PCNX2: variants seen among roughly 807,000 people sequenced by gnomAD.
PCNX2 encodes the protein pecanex 2.
PCNX2 carries 168 observed loss-of-function variants against 223.8 expected under a neutral mutation model. The ratio of observed to expected loss-of-function variants is 0.75; its 90% CI spans 0.66 to 0.85. The LOEUF is 0.85. PCNX2 is among the 40% of genes least tolerant of loss of function. PCNX2 has a pLI of 0.00. For synonymous variants in PCNX2, 1,006 were observed against 1,052.6 expected, an observed-to-expected ratio of 0.96 and a Z score of 0.86; for missense variants, 2,507 against 2,675.5, an observed-to-expected ratio of 0.94 and a Z score of 1.39.
In PCNX2 at chr1:233,102,113, A is replaced by G. The variant is rs1217143853; in HGVS notation, c.3838-6250T>C. Among the ~76,000 whole-genome samples, 4 of 138,536 alleles carry G rather than the reference A, an allele frequency of 2.9e-5. No individual in the cohort carries two copies. In the South Asian group the frequency reaches 6.8e-4, roughly 24 times the overall value. The allele number at this position is 138,536 out of a possible 152,430, so 90.9% of individuals were successfully genotyped here. A position where few individuals can be genotyped will look rare whatever the true frequency, so the allele number is the denominator to read the frequency against. On this transcript the variant is annotated intron_variant, in intron 21 of 33. Coordinates refer to ENST00000258229, the MANE Select transcript of PCNX2 (RefSeq NM_014801.4). Reference sequence around the variant, plus strand: ...TTTTTTTTTTTTTTTTTTGGCTCCCATGAGTGACAACATACAACATTTGTC... The same window carrying G: ...TTTTTTTTTTTTTTTTTTGGCTCCCGTGAGTGACAACATACAACATTTGTC...
intron 21 of PCNX2, chr1:233,134,783 C>T (rs1242349906): frequency 1.8e-6 from 1 of 564,342 alleles, no homozygotes; most frequent in Non-Finnish European, 3.1e-6. Flanking sequence ...TCAAGTCACA[C>T]TAATGGCTAA....
In PCNX2 at chr1:233,252,375, G is replaced by A. The variant is rs1659507210; in HGVS notation, c.2107C>T (p.His703Tyr). The A allele has an allele frequency of 2.5e-6, 4 of 1,611,270 alleles. No homozygotes were observed. The highest frequency in any genetic ancestry group is 3.4e-6 in the Non-Finnish European group (4 of 1,178,068). The change falls in exon 7 of 34, where the codon CAT becomes TAT. Residue 703 changes from histidine (H) to tyrosine (Y), a missense_variant. By Grantham distance (83) the His-to-Tyr change is moderately conservative. This residue lies in a region of PCNX2 where 1,031 missense variants were observed against 1,021.7 expected (regional missense o/e 1.01). Transcript: ENST00000258229. Reference protein sequence around the residue: ...VQEEISVDAMHVFIDEHGEIR... With the variant: ...VQEEISVDAMYVFIDEHGEIR... ...TCACCATGTTCATCAATGAAGACATGCATAGCATCCACAGATATCTCTTCT... is the reference window on the plus strand; with the variant it reads ...TCACCATGTTCATCAATGAAGACATACATAGCATCCACAGATATCTCTTCT...
intron 1 of PCNX2, among the ~76,000 whole-genome samples, chr1:233,269,499 C>A (rs1402648575): frequency 6.6e-6 from 1 of 152,158 alleles, no homozygotes; most frequent in Admixed American, 6.5e-5. Flanking sequence ...CACAAATACA[C>A]CTCAGTTATG....
chr1:233,057,421 A>G, intron 23 of PCNX2, 131 bp from the exon 24 acceptor site: 1 of 705,898 alleles, frequency 1.4e-6, no homozygotes, highest in South Asian at 1.7e-5. Flanking sequence ...CGATTGCTGT[A>G]GTTTTACCAC....
Position 233,017,120 on chromosome 1 carries a change from A to C in PCNX2, c.4640T>G (p.Leu1547Arg), listed in dbSNP as rs558572922. 1.2e-6 allele frequency: 2 copies of C among 1,612,604 alleles called. No individual in the cohort carries two copies. The highest frequency in any genetic ancestry group is 1.3e-5 in the African/African-American group (1 of 74,986). Reference protein sequence around the residue: ...IIYYMVTSPKLLSWIKNESLL... With the variant: ...IIYYMVTSPKRLSWIKNESLL... ...TGATTCATTTTTGATCCAGGAGAGGAGTTTGGGAGACGTTACCATATAGTA... is the reference window on the plus strand; with the variant it reads ...TGATTCATTTTTGATCCAGGAGAGGCGTTTGGGAGACGTTACCATATAGTA... The change falls in exon 27 of 34, where the codon CTC (leucine) becomes CGC (arginine). Residue 1547 changes from leucine (L) to arginine (R), a missense_variant. Around this residue, in one of 3 missense-constraint regions of PCNX2, gnomAD observed 1,372 missense variants for 1,509.4 expected, o/e 0.91. Transcript: ENST00000258229.
At chr1:233,220,362 T>G (rs1657291735) in intron 10 of PCNX2, among the ~76,000 whole-genome samples, 1 of 152,228 alleles carries the variant, frequency 6.6e-6, no homozygotes, top group Non-Finnish European at 1.5e-5. Flanking sequence ...AACTGCTGAA[T>G]TGTCTTCTAA....
At chr1:233,100,949 C>T (rs958927075) in intron 21 of PCNX2, among the ~76,000 whole-genome samples, 26 of 152,150 alleles carry the variant, frequency 1.7e-4, no homozygotes, top group African/African-American at 6.3e-4. Context: ...TTTGGAATTA[C>T]CAATATTTGA....
chr1:233,114,906 A>C (rs542711574), intron 21 of PCNX2, among the ~76,000 whole-genome samples: 1 of 152,298 alleles, frequency 6.6e-6, no homozygotes, highest in Admixed American at 6.5e-5. Context: ...CAGAAACCCC[A>C]CTAGGTTCTC....
At chr1:233,233,395 A>C (rs1658184561) in intron 9 of PCNX2, among the ~76,000 whole-genome samples, 1 of 151,436 alleles carries the variant, frequency 6.6e-6, no homozygotes, top group Non-Finnish European at 1.5e-5. Context: ...CTCTACAGCT[A>C]TGACAATGAA....
Position 232,986,335 on chromosome 1 carries a change from C to T in PCNX2, c.5997G>A (p.Pro1999=), listed in dbSNP as rs200739197. The part of the protein sequence containing the change: ...ASATSLHSQP[P]PVTTTGHLSV... ...TCAGGTGGCCGGTGGTGGTGACGGG[C>T]GGGGGCTGAGAGTGCAGGGACGTGG... The change falls in exon 33 of 34, where the codon CCG becomes CCA. Residue 1999 remains proline (P), a synonymous_variant. Coordinates refer to ENST00000258229, the MANE Select transcript of PCNX2 (RefSeq NM_014801.4). 1,568 of 1,594,258 alleles carry T rather than the reference C, an allele frequency of 9.8e-4. 3 individuals carry two copies. Among genetic ancestry groups the T allele is most frequent in the African/African-American group, 1.4e-3 (105 of 74,710 alleles).
intron 21 of PCNX2, among the ~76,000 whole-genome samples, chr1:233,119,461 T>C (rs1426347685): frequency 1.5e-5 from 2 of 130,376 alleles, no homozygotes; most frequent in Non-Finnish European, 3.1e-5. Context: ...GGTGGGCGCC[T>C]GTAGTCCCAG....
intron 12 of PCNX2, chr1:233,211,946 C>T (rs1158918085): frequency 3.3e-6 from 1 of 301,200 alleles, no homozygotes; most frequent in African/African-American, 2.3e-5. Context: ...ACATTCTCTG[C>T]CCATTTCTCG....
chr1:233,035,175 T>C (rs1671409943), intron 25 of PCNX2, among the ~76,000 whole-genome samples: 1 of 152,208 alleles, frequency 6.6e-6, no homozygotes, highest in Non-Finnish European at 1.5e-5. Flanking sequence ...GGATGATTTA[T>C]AACCTTCCAT....
At chr1:233,006,060 C>CTT (rs1158172642) in intron 28 of PCNX2, among the ~76,000 whole-genome samples, 1 of 152,078 alleles carries the variant, frequency 6.6e-6, no homozygotes, top group Non-Finnish European at 1.5e-5. Flanking sequence ...CATGTGTAAT[C>CTT]ATGTGTTAGG....
chr1:233,057,566 G>A (rs1672239802), intron 23 of PCNX2: 1 of 339,540 alleles, frequency 2.9e-6, no homozygotes, highest in Non-Finnish European at 5.5e-6. Flanking sequence ...CACCAGATCT[G>A]CAAAATCAAA....
intron 1 of PCNX2, among the ~76,000 whole-genome samples, chr1:233,286,713 G>T (rs534756970): frequency 2.0e-5 from 3 of 152,128 alleles, no homozygotes; most frequent in African/African-American, 7.2e-5. Context: ...GTGTGGAAAG[G>T]CAGCTCTCCA....
At chr1:233,120,137 A>C (rs1328237726) in intron 21 of PCNX2, among the ~76,000 whole-genome samples, 11 of 145,674 alleles carry the variant, frequency 7.6e-5, no homozygotes, top group Non-Finnish European at 1.5e-4. Flanking sequence ...ACTGCACTCC[A>C]GCCTGGGTGA....
intron 1 of PCNX2, among the ~76,000 whole-genome samples, chr1:233,289,611 G>C (rs1487413144): frequency 6.6e-5 from 10 of 152,254 alleles, no homozygotes; most frequent in Admixed American, 6.5e-4. Flanking sequence ...TATGGAGATA[G>C]TGCAAAGGAT....
At position 232,986,213 on chromosome 1, in the gene PCNX2, C is replaced by T. The variant is rs1208086923; in HGVS notation, c.6119G>A (p.Ser2040Asn). ...SFLFGKRSFS[S>N]ALVISGLSAA... ...AGAGAGTCCGGAAATGACGAGCGCG[C>T]TGGAAAAGCTCCTCTTGCCGAAGAG... is the stretch of plus-strand genomic sequence containing the variant. The change falls in exon 33 of 34, where the codon AGC becomes AAC. Residue 2040 changes from serine (S) to asparagine (N), a missense_variant. By Grantham distance (46) the Ser-to-Asn change is conservative (BLOSUM62 1). Coordinates refer to ENST00000258229, the MANE Select transcript of PCNX2 (RefSeq NM_014801.4). 1 of 1,559,292 alleles carries T rather than the reference C, an allele frequency of 6.4e-7. No individual in the cohort carries two copies.
Sources: allele counts gnomAD v4.1 joint callset (sites outside exome capture counted in the v4.1 genomes callset), GRCh38; gene constraint gnomAD v4.1.1; regional missense constraint gnomAD v4.1.1; transcripts MANE v1.5; gene names NCBI Gene and HGNC (gene_info 2026-07-23, HGNC 2026-07-21).